Variants in KIFC1 observed in about 807,000 individuals in gnomAD.
The protein encoded by KIFC1 is kinesin-like protein KIFC1.
KIFC1 carries 37 observed loss-of-function variants against 66.6 expected under a neutral mutation model. The observed-to-expected ratio is 0.56, with a 90% CI of 0.43 to 0.73. The LOEUF (loss-of-function observed/expected upper bound fraction) is 0.73. KIFC1 is among the 30% of genes least tolerant of loss of function. The pLI is 0.00. For synonymous variants in KIFC1, 325 were observed against 343.5 expected (o/e 0.95, Z 0.60); for missense variants, 721 against 859.8 (o/e 0.84, Z 2.02).
chr6:33,402,347 C>T (rs1775412113), intron 3 of KIFC1, among the ~76,000 whole-genome samples: 2 of 152,084 alleles, frequency 1.3e-5, no homozygotes, highest in Non-Finnish European at 1.5e-5. Context: ...TGTCATTGAC[C>T]GAAATGTCAT....
At position 33,409,695 on chromosome 6, in the gene KIFC1, G is replaced by A. The variant is rs1210791153; in HGVS notation, c.*5G>A. 18 of 1,544,732 alleles carry A rather than the reference G, an allele frequency of 1.2e-5. No individual in the cohort carries two copies. The highest frequency in any genetic ancestry group is 1.6e-5 in the Non-Finnish European group (18 of 1,137,798). On this transcript the variant is annotated 3_prime_UTR_variant, in exon 11 of 11. Transcript: ENST00000428849. ...GCTCAGGCCAACAGGAAGTGAAGACGGATCCAGATCTGTGTGTGTGTGTGT... is the reference window on the plus strand; with the variant it reads ...GCTCAGGCCAACAGGAAGTGAAGACAGATCCAGATCTGTGTGTGTGTGTGT...
At chr6:33,394,820 C>T (rs1774956296) in intron 1 of KIFC1, among the ~76,000 whole-genome samples, 1 of 152,184 alleles carries the variant, frequency 6.6e-6, no homozygotes, top group Non-Finnish European at 1.5e-5. Context: ...AGTATAGGTG[C>T]AGGATCGAGG....
intron 1 of KIFC1, among the ~76,000 whole-genome samples, chr6:33,396,553 C>T (rs894421661): frequency 6.6e-6 from 1 of 151,526 alleles, no homozygotes; most frequent in Non-Finnish European, 1.5e-5. Flanking sequence ...AGCCATCCTC[C>T]CACCTCAGCC....
At chr6:33,397,690 A>T (rs957516405) in intron 1 of KIFC1, among the ~76,000 whole-genome samples, 4 of 152,192 alleles carry the variant, frequency 2.6e-5, no homozygotes, top group Non-Finnish European at 4.4e-5. Context: ...TCCCTTGTTT[A>T]TGATTCTCAG....
intron 1 of KIFC1, 107 bp downstream of exon 1, chr6:33,392,104 G>C (rs1189597640): frequency 7.7e-7 from 1 of 1,301,620 alleles, no homozygotes; most frequent in East Asian, 2.5e-5. Context: ...CATGTCTACC[G>C]GGAGAGCGAA....
At position 33,404,194 on chromosome 6, in the gene KIFC1, C is replaced by CT. The variant is rs1775519403; in HGVS notation, c.756+67dup. Reference sequence around the variant, plus strand: ...CTGGCAGAGGTCATGCCTCCCCTCCCTTCCAGGTACCCCTCAAGTCTGGGC... The same window carrying CT: ...CTGGCAGAGGTCATGCCTCCCCTCCCTTTCCAGGTACCCCTCAAGTCTGGGC... On this transcript the variant is annotated intron_variant, in intron 6 of 10. Transcript: ENST00000428849. The surrounding 1 kb of genome is among the most constrained non-coding windows in gnomAD (Gnocchi z 4.0). 8.7e-6 allele frequency: 13 copies of CT among 1,491,664 alleles called. No individual in the cohort carries two copies. In the South Asian group the frequency reaches 1.6e-4, roughly 19 times the overall value. The allele number at this position is 1,491,664 out of a possible 1,614,324, so 92.4% of individuals were successfully genotyped here.
chr6:33,409,597 G>A (rs373575912), intron 10 of KIFC1, 49 bp from the exon 11 acceptor site: 1 of 1,568,204 alleles, frequency 6.4e-7, no homozygotes, highest in Non-Finnish European at 8.8e-7. Flanking sequence ...GAAAAATGTT[G>A]TATTGGTTAC....
In KIFC1 at chr6:33,404,371, CTG is replaced by C. The variant is rs1775532118; in HGVS notation, c.756+246_756+247del. On this transcript the variant is annotated intron_variant, in intron 6 of 10. Coordinates refer to ENST00000428849, the MANE Select transcript of KIFC1 (RefSeq NM_002263.4). This position sits in a 1 kb window ranked among gnomAD's most constrained non-coding sequence, Gnocchi z 4.0. ...CTGTTTGCAAAGCTCTCATTTAGAT[CTG>C]TGTCTTTCTTAGTCCTCCATCCCTC... Among the ~76,000 whole-genome samples the C allele has an allele frequency of 6.6e-6, 1 of 152,208 alleles. No homozygotes were observed. The highest frequency in any genetic ancestry group is 1.5e-5 in the Non-Finnish European group (1 of 68,044).
In KIFC1 at chr6:33,403,359, TTGCCACAGGTAAC is replaced by T. The variant is rs1481852227; in HGVS notation, c.299_304+7del. 6.2e-7 allele frequency: 1 copy of T among 1,614,106 alleles called. No individual in the cohort carries two copies. Among genetic ancestry groups the T allele is most frequent in the Admixed American group, 1.7e-5 (1 of 60,024 alleles). ...ACAGGACCCCGGTGTTCCACAGCTATTGCCACAGGTAACTGTGCTCAAGAGCTGGGTCTGAGAA... is the reference window on the plus strand; with the variant it reads ...ACAGGACCCCGGTGTTCCACAGCTATTGTGCTCAAGAGCTGGGTCTGAGAA... On this transcript the variant is annotated splice_donor_variant and splice_donor_5th_base_variant and coding_sequence_variant and intron_variant, in exon 4 of 11. Coordinates refer to ENST00000428849, the MANE Select transcript of KIFC1 (RefSeq NM_002263.4). LOFTEE classifies it high-confidence loss of function. The surrounding 1 kb of genome is among the most constrained non-coding windows in gnomAD (Gnocchi z 4.6).
In KIFC1 at chr6:33,400,542, G is replaced by A. The variant is rs904263346; in HGVS notation, c.250+2155G>A. 1.6e-5 allele frequency: 23 copies of A among 1,483,588 alleles called. 1 individual carries two copies. Among genetic ancestry groups the A allele is most frequent in the African/African-American group, 4.1e-5 (3 of 72,298 alleles). The allele number at this position is 1,483,588 out of a possible 1,614,324, so 91.9% of individuals were successfully genotyped here. On this transcript the variant is annotated intron_variant, in intron 3 of 10. Transcript: ENST00000428849. This position sits in a 1 kb window ranked among gnomAD's most constrained non-coding sequence, Gnocchi z 4.3. ...ATACGACCTTGATCTCGTTGGGGTC[G>A]AACTTCGGTGGCATGGTGGAGGCAG... is the stretch of plus-strand genomic sequence containing the variant.
Position 33,393,948 on chromosome 6 carries a change from G to A in KIFC1, c.12+1951G>A, listed in dbSNP as rs372550056. On this transcript the variant is annotated intron_variant, in intron 1 of 10. Coordinates refer to ENST00000428849, the MANE Select transcript of KIFC1 (RefSeq NM_002263.4). ...TTTTTAGTATAGACAGGGTTTCACC[G>A]CGTTAGCCCGGATGGTCTCAATTTC... 8.6e-5 allele frequency among the ~76,000 whole-genome samples: 13 copies of A among 151,862 alleles called. No individual in the cohort carries two copies. The East Asian group carries it at 2.3e-3, about 27-fold the overall frequency.
In KIFC1 at chr6:33,405,508, C is replaced by T. The variant is rs755752726; in HGVS notation, c.1413C>T (p.Asp471=). Residue 471 remains aspartate, a synonymous_variant, in exon 7 of 11, where the codon GAC becomes GAT. Coordinates refer to ENST00000428849, the MANE Select transcript of KIFC1 (RefSeq NM_002263.4). This position sits in a 1 kb window ranked among gnomAD's most constrained non-coding sequence, Gnocchi z 5.4. ...AGATCTACAATGAGACTGTCCGGGA[C>T]CTGCTGGCCACTGGAACCCGGAAGG... ...YVEIYNETVR[D]LLATGTRKGQ... is the part of the protein sequence containing the mutation. The T allele has an allele frequency of 6.2e-7, 1 of 1,612,710 alleles. No individual in the cohort carries two copies. The highest frequency in any genetic ancestry group is 8.5e-7 in the Non-Finnish European group (1 of 1,179,340).
Position 33,398,376 on chromosome 6 carries a change from G to A in KIFC1, c.239G>A (p.Gly80Asp). ...PSLTTVPQTQ[G>D]QTTAQKVSKK... Reference sequence around the variant, plus strand: ...CTCACTACAGTGCCACAGACACAAGGCCAGACCACAGGTGGGCTCTCAGGA... The same window carrying A: ...CTCACTACAGTGCCACAGACACAAGACCAGACCACAGGTGGGCTCTCAGGA... The change falls in exon 3 of 11, where the codon GGC becomes GAC. Residue 80 changes from glycine to aspartate, a missense_variant. By Grantham distance (94) the Gly-to-Asp change is moderately conservative. Coordinates refer to ENST00000428849, the MANE Select transcript of KIFC1 (RefSeq NM_002263.4). 2 of 1,613,498 alleles carry A rather than the reference G, an allele frequency of 1.2e-6. No homozygotes were observed. Among genetic ancestry groups the A allele is most frequent in the East Asian group, 2.2e-5 (1 of 44,876 alleles).
chr6:33,400,207 C>T lies in KIFC1; in HGVS notation c.250+1820C>T, dbSNP rs952725109. On this transcript the variant is annotated intron_variant, in intron 3 of 10. Coordinates refer to ENST00000428849, the MANE Select transcript of KIFC1 (RefSeq NM_002263.4). The surrounding 1 kb of genome is among the most constrained non-coding windows in gnomAD (Gnocchi z 4.3). The stretch of plus-strand genomic sequence containing the variant: ...GAGTTCTCTGGCTAAGGATCGGTGC[C>T]GCATCTGTCGAGCAATGTTGACGAT... The T allele has an allele frequency of 8.4e-6, 13 of 1,554,834 alleles. No individual in the cohort carries two copies. Among genetic ancestry groups the T allele is most frequent in the Middle Eastern group, 2.3e-4 (1 of 4,366 alleles).
Position 33,406,557 on chromosome 6 carries a change from AT to A in KIFC1, c.1828-33del. Reference sequence around the variant, plus strand: ...GGGTTGGCTGTGCAGAACCCTGCCTATTCCTAAACATCTGTCCCCACCTCAA... The same window carrying A: ...GGGTTGGCTGTGCAGAACCCTGCCTATCCTAAACATCTGTCCCCACCTCAA... On this transcript the variant is annotated intron_variant, in intron 8 of 10. Transcript: ENST00000428849. The surrounding 1 kb of genome is among the most constrained non-coding windows in gnomAD (Gnocchi z 4.5). 6.2e-7 allele frequency: 1 copy of A among 1,613,722 alleles called. No individual in the cohort carries two copies. Among genetic ancestry groups the A allele is most frequent in the Non-Finnish European group, 8.5e-7 (1 of 1,179,756 alleles).
chr6:33,406,819 T>G lies in KIFC1; in HGVS notation c.1921T>G (p.Ser641Ala). 6.2e-7 allele frequency: 1 copy of G among 1,614,100 alleles called. No homozygotes were observed. Among genetic ancestry groups the G allele is most frequent in the African/African-American group, 1.3e-5 (1 of 75,010 alleles). The change falls in exon 10 of 11, where the codon TCT (serine) becomes GCT (alanine). Residue 641 changes from serine to alanine, a missense_variant. Transcript: ENST00000428849. This position sits in a 1 kb window ranked among gnomAD's most constrained non-coding sequence, Gnocchi z 4.5. ...SAKMLMFVNISPLEENVSESL... is the reference protein window; with the variant it reads ...SAKMLMFVNIAPLEENVSESL... The stretch of plus-strand genomic sequence containing the variant: ...TCATAGGCTCATGTTTGTGAACATT[T>G]CTCCACTGGAAGAGAACGTCTCCGA...
rs1775373707 is a variant in KIFC1 at position 33,401,547 on chromosome 6, G to A, written c.251-1767G>A. On this transcript the variant is annotated intron_variant, in intron 3 of 10. Coordinates refer to ENST00000428849, the MANE Select transcript of KIFC1 (RefSeq NM_002263.4). The surrounding 1 kb of genome is among the most constrained non-coding windows in gnomAD (Gnocchi z 4.5). ...GCTTTTCAAACTTTTTGTTAAAAAC[G>A]AAGAAATATACACATTAGCCTAGGC... Among the ~76,000 whole-genome samples, 1 of 151,976 alleles carries A rather than the reference G, an allele frequency of 6.6e-6. No individual in the cohort carries two copies. Among genetic ancestry groups the A allele is most frequent in the African/African-American group, 2.4e-5 (1 of 41,360 alleles).
At chr6:33,391,526 T>G, upstream of KIFC1, 1 of 226,490 alleles carries the variant, frequency 4.4e-6, no homozygotes, top group South Asian at 4.6e-5. Flanking sequence ...GCTTGGCCAG[T>G]TGCGTTCGTG....
chr6:33,399,924 A>G (rs1021797161), intron 3 of KIFC1: 11 of 555,838 alleles, frequency 2.0e-5, no homozygotes, highest in African/African-American at 1.7e-4. Flanking sequence ...TTAGTTTACT[A>G]TAACTATTTT....
Sources: allele counts gnomAD v4.1 joint callset (sites outside exome capture counted in the v4.1 genomes callset), GRCh38; gene constraint gnomAD v4.1.1; non-coding constraint Gnocchi (gnomAD v3.1); transcripts MANE v1.5; gene names NCBI Gene and HGNC (gene_info 2026-07-23, HGNC 2026-07-21).